Variants in CNTNAP5 observed in about 807,000 individuals in gnomAD.
CNTNAP5 encodes contactin associated protein family member 5.
Under a neutral mutation model 150.2 loss-of-function variants are expected in CNTNAP5, and 72 were observed. That is an observed-to-expected ratio of 0.48 (90% CI 0.40 to 0.58). CNTNAP5 has a LOEUF of 0.58. CNTNAP5 is among the 20% of genes least tolerant of loss of function. The probability of loss-of-function intolerance (pLI) is 0.00; values close to 1 mark genes in which losing one functional copy is unlikely to be tolerated. For missense variants in CNTNAP5, 1,636 were observed against 1,626.2 expected (o/e 1.01, Z -0.10); for synonymous variants, 672 against 619.8 (o/e 1.08, Z -1.25).
chr2:124,472,836 A>C lies in CNTNAP5; in HGVS notation c.919-1903A>C, dbSNP rs896498017. Among the ~76,000 whole-genome samples the C allele has an allele frequency of 5.3e-5, 8 of 152,118 alleles. No homozygotes were observed. In the South Asian group the frequency reaches 1.4e-3, roughly 28 times the overall value. ...GCTAACACAGAGACACAAAGTGAGC[A>C]CCCACTGTTGGAAAAATAGTGCTGA... On this transcript the variant is annotated intron_variant, in intron 6 of 23. Transcript: ENST00000682447.
chr2:124,190,404 T>TA (rs1685431558), intron 1 of CNTNAP5, among the ~76,000 whole-genome samples: 1 of 152,146 alleles, frequency 6.6e-6, no homozygotes, highest in African/African-American at 2.4e-5. Context: ...AGTTTCCACT[T>TA]ACACACTTTT....
At chr2:124,122,319 G>A (rs997167304) in intron 1 of CNTNAP5, among the ~76,000 whole-genome samples, 14 of 152,170 alleles carry the variant, frequency 9.2e-5, no homozygotes, top group Admixed American at 7.9e-4. Flanking sequence ...GTCAGGCACA[G>A]ATATATTTAA....
intron 10 of CNTNAP5, among the ~76,000 whole-genome samples, chr2:124,540,585 G>A (rs1292852932): frequency 6.6e-6 from 1 of 152,198 alleles, no homozygotes; most frequent in Non-Finnish European, 1.5e-5. Flanking sequence ...AAGTGAGCAA[G>A]ACAGAGAGTT....
intron 3 of CNTNAP5, among the ~76,000 whole-genome samples, chr2:124,406,967 G>C (rs1241563791): frequency 1.3e-5 from 2 of 152,106 alleles, no homozygotes; most frequent in African/African-American, 4.8e-5. Context: ...TCTTTCTGTA[G>C]CTGGCTTATT....
chr2:124,522,751 C>A (rs1694876757), intron 8 of CNTNAP5, among the ~76,000 whole-genome samples: 2 of 152,222 alleles, frequency 1.3e-5, no homozygotes, highest in South Asian at 2.1e-4. Flanking sequence ...TTCATATTGT[C>A]ATCTCCTGCT....
At chr2:124,552,876 G>A (rs780116150) in intron 10 of CNTNAP5, among the ~76,000 whole-genome samples, 93 of 152,164 alleles carry the variant, frequency 6.1e-4, no homozygotes, top group Middle Eastern at 3.4e-3. Flanking sequence ...CGTACTATTC[G>A]TTTTAATGTC....
intron 5 of CNTNAP5, among the ~76,000 whole-genome samples, chr2:124,435,364 A>C (rs1010771075): frequency 7.9e-5 from 12 of 152,048 alleles, no homozygotes; most frequent in African/African-American, 2.9e-4. Flanking sequence ...TATCCCAGAG[A>C]AGGAGGAGAG....
chr2:124,296,558 A>G (rs1688436054), intron 3 of CNTNAP5, among the ~76,000 whole-genome samples: 1 of 152,038 alleles, frequency 6.6e-6, no homozygotes, highest in African/African-American at 2.4e-5. Context: ...CCCTCCACTC[A>G]TTGGTGGTCA....
intron 10 of CNTNAP5, among the ~76,000 whole-genome samples, chr2:124,540,525 C>T (rs1354644773): frequency 1.3e-5 from 2 of 152,170 alleles, no homozygotes; most frequent in East Asian, 1.9e-4. Context: ...ATGAACATTT[C>T]CTTGCATGCT....
At chr2:124,196,246 C>T (rs2104702123) in intron 1 of CNTNAP5, among the ~76,000 whole-genome samples, 1 of 152,206 alleles carries the variant, frequency 6.6e-6, no homozygotes, top group East Asian at 1.9e-4. Flanking sequence ...AAGGGATAAG[C>T]ATACTACAGT....
At chr2:124,457,567 C>T (rs1394833646) in intron 6 of CNTNAP5, among the ~76,000 whole-genome samples, 1 of 151,832 alleles carries the variant, frequency 6.6e-6, no homozygotes, top group Non-Finnish European at 1.5e-5. Flanking sequence ...TGTTAAGTTC[C>T]AGGGTACATG....
chr2:124,682,473 T>C (rs1184228342), intron 13 of CNTNAP5, among the ~76,000 whole-genome samples: 1 of 152,162 alleles, frequency 6.6e-6, no homozygotes, highest in Non-Finnish European at 1.5e-5. Flanking sequence ...GGTGCTTTTT[T>C]AATGGAACGT....
chr2:124,340,098 A>G (rs1689573884), intron 3 of CNTNAP5, among the ~76,000 whole-genome samples: 1 of 152,186 alleles, frequency 6.6e-6, no homozygotes, highest in South Asian at 2.1e-4. Flanking sequence ...GTCCTCTCTC[A>G]TATTCATAAT....
intron 13 of CNTNAP5, among the ~76,000 whole-genome samples, chr2:124,685,097 A>G (rs1679161194): frequency 6.6e-6 from 1 of 152,138 alleles, no homozygotes; most frequent in African/African-American, 2.4e-5. Flanking sequence ...TGAGGTACAC[A>G]ATCTTCACAT....
intron 22 of CNTNAP5, among the ~76,000 whole-genome samples, chr2:124,907,989 TA>T (rs1446965897): frequency 1.3e-5 from 2 of 151,934 alleles, no homozygotes; most frequent in Non-Finnish European, 2.9e-5. Flanking sequence ...CAATGTTAAG[TA>T]ATAACCAAGG....
chr2:124,182,234 A>G (rs1219617342), intron 1 of CNTNAP5, among the ~76,000 whole-genome samples: 4 of 152,162 alleles, frequency 2.6e-5, no homozygotes, highest in African/African-American at 9.7e-5. Flanking sequence ...TATCCTTCAT[A>G]TGAATATTGT....
At chr2:124,903,268 T>A (rs1328621798) in intron 22 of CNTNAP5, among the ~76,000 whole-genome samples, 168 bp downstream of exon 22, 1 of 152,184 alleles carries the variant, frequency 6.6e-6, no homozygotes, top group Non-Finnish European at 1.5e-5. Context: ...TTTATACATA[T>A]TTGATGTAGT....
rs570964174 is a variant in CNTNAP5, at chr2:124,083,365, T to A, written c.82+57633T>A. On this transcript the variant is annotated intron_variant, in intron 1 of 23. Coordinates refer to ENST00000682447, the MANE Select transcript of CNTNAP5 (RefSeq NM_001367498.1). ...AAGAGTGAGAGTCCATCTCAAAAAA[T>A]AAATAAATAAATAAATAAAATATTT... Among the ~76,000 whole-genome samples, 16 of 152,150 alleles carry A rather than the reference T, an allele frequency of 1.1e-4. No homozygotes were observed. In the South Asian group the frequency reaches 1.9e-3, roughly 18 times the overall value.
In CNTNAP5 at chr2:124,920,334, A is replaced by C. The variant is rs984956813; in HGVS notation, c.*6046A>C. Among the ~76,000 whole-genome samples the C allele has an allele frequency of 2.0e-5, 3 of 152,148 alleles. No homozygotes were observed. The highest frequency in any genetic ancestry group is 1.5e-5 in the Non-Finnish European group (1 of 68,020). On this transcript the variant is annotated 3_prime_UTR_variant, in exon 24 of 24. Transcript: ENST00000682447. ...CTTTGAAAGGCTTTCTCTTTCAAGAAACCTTGAAGGGAAAATATTAACGGG... is the reference window on the plus strand; with the variant it reads ...CTTTGAAAGGCTTTCTCTTTCAAGACACCTTGAAGGGAAAATATTAACGGG...
Sources: gnomAD v4.1 joint callset for allele counts (sites outside exome capture counted in the v4.1 genomes callset) on GRCh38, gnomAD v4.1.1 for gene constraint, MANE v1.5 for transcripts, NCBI Gene and HGNC (gene_info 2026-07-23, HGNC 2026-07-21) for gene names.